Variants in GALNTL6 observed in about 807,000 individuals in gnomAD.
GALNTL6 encodes polypeptide N-acetylgalactosaminyltransferase like 6, also known as polypeptide N-acetylgalactosaminyltransferase-like 6.
Under a neutral mutation model 73.7 loss-of-function variants are expected in GALNTL6, and 46 were observed. The observed-to-expected ratio is 0.62, with a 90% CI of 0.49 to 0.80. The LOEUF (loss-of-function observed/expected upper bound fraction) is 0.80. Ranked by LOEUF, GALNTL6 falls within the 30% of genes least tolerant of loss-of-function variation. GALNTL6 has a pLI of 0.00. For missense variants in GALNTL6, 604 were observed against 755.0 expected (o/e 0.80, Z 2.34); for synonymous variants, 259 against 263.7 (o/e 0.98, Z 0.17).
At chr4:171,898,795 T>G (rs1028411577) in intron 2 of GALNTL6, among the ~76,000 whole-genome samples, 1 of 152,042 alleles carries the variant, frequency 6.6e-6, no homozygotes, top group Non-Finnish European at 1.5e-5. Flanking sequence ...TGTTCATAGT[T>G]ACATGATAAT....
rs571860872 is a variant in GALNTL6, at chr4:172,924,406, T to A, written c.1042-6755T>A. ...TTTAAGTGGGTCACACATTAGAGCTTCTGTCTGGGACGGATGCTTGGCACC... is the reference window on the plus strand; with the variant it reads ...TTTAAGTGGGTCACACATTAGAGCTACTGTCTGGGACGGATGCTTGGCACC... On this transcript the variant is annotated intron_variant, in intron 8 of 12. Transcript: ENST00000506823. Among the ~76,000 whole-genome samples the A allele has an allele frequency of 3.7e-4, 56 of 152,334 alleles. 3 individuals carry two copies. The South Asian group carries it at 0.012, about 32-fold the overall frequency.
chr4:172,110,692 A>G (rs1240533425), intron 2 of GALNTL6, among the ~76,000 whole-genome samples: 1 of 152,164 alleles, frequency 6.6e-6, no homozygotes, highest in Non-Finnish European at 1.5e-5. Context: ...TCTATGCCGA[A>G]TTCCATATGA....
chr4:172,201,118 AAAC>A (rs1437321899), intron 2 of GALNTL6, among the ~76,000 whole-genome samples: 1 of 152,180 alleles, frequency 6.6e-6, no homozygotes, highest in South Asian at 2.1e-4. Context: ...ACTGGAACCA[AAAC>A]AAGTTTTATG....
chr4:172,459,126 C>T lies in GALNTL6; in HGVS notation c.553+110437C>T, dbSNP rs1475497339. Among the ~76,000 whole-genome samples the T allele has an allele frequency of 2.0e-5, 3 of 152,156 alleles. 1 individual carries two copies. ...AATGACAAAAACCACATGATTATCT[C>T]AATAGATGCAGAAAAGGCCTTCGAT... On this transcript the variant is annotated intron_variant, in intron 5 of 12. Transcript: ENST00000506823.
intron 2 of GALNTL6, among the ~76,000 whole-genome samples, chr4:172,043,378 G>T (rs1742139730): frequency 6.6e-6 from 1 of 151,966 alleles, no homozygotes; most frequent in Admixed American, 6.6e-5. Context: ...GCAATTAAAG[G>T]TAGGGAAAAC....
chr4:172,830,985 C>T (rs145728685), intron 7 of GALNTL6, among the ~76,000 whole-genome samples: 82 of 151,950 alleles, frequency 5.4e-4, no homozygotes, highest in Middle Eastern at 3.4e-3. Context: ...CATGGTGAAA[C>T]CCTGTCTCTA....
At chr4:173,009,139 A>G (rs1377082344) in intron 10 of GALNTL6, 39 bp from the exon 11 acceptor site, 1 of 1,342,990 alleles carries the variant, frequency 7.4e-7, no homozygotes, top group Non-Finnish European at 1.1e-6. Flanking sequence ...ATAAAATACG[A>G]CATAGCCCCA....
intron 2 of GALNTL6, among the ~76,000 whole-genome samples, chr4:172,203,492 A>G (rs1328348219): frequency 6.6e-6 from 1 of 152,188 alleles, no homozygotes; most frequent in African/African-American, 2.4e-5. Context: ...TAGGGTATCA[A>G]TCTCATAAAA....
At chr4:172,444,171 G>A (rs759573486) in intron 5 of GALNTL6, among the ~76,000 whole-genome samples, 21 of 152,298 alleles carry the variant, frequency 1.4e-4, no homozygotes, top group South Asian at 6.2e-4. Flanking sequence ...GTGCTTGGGC[G>A]TAATTTGTGA....
chr4:172,653,849 T>C (rs1740612705), intron 5 of GALNTL6, among the ~76,000 whole-genome samples: 1 of 152,258 alleles, frequency 6.6e-6, no homozygotes, highest in South Asian at 2.1e-4. Context: ...GGATCAACAC[T>C]GTGCATTATT....
At chr4:171,893,931 A>T (rs996123003) in intron 2 of GALNTL6, among the ~76,000 whole-genome samples, 14 of 152,058 alleles carry the variant, frequency 9.2e-5, no homozygotes, top group Non-Finnish European at 1.8e-4. Flanking sequence ...ATACCCAAAG[A>T]TCTTCCTTTC....
intron 5 of GALNTL6, among the ~76,000 whole-genome samples, chr4:172,720,837 A>G (rs1735426682): frequency 2.0e-5 from 3 of 152,150 alleles, no homozygotes; most frequent in Non-Finnish European, 4.4e-5. Context: ...TTTCTTATCT[A>G]AAGAAATTAT....
At chr4:172,894,291 T>C (rs1001620088) in intron 8 of GALNTL6, among the ~76,000 whole-genome samples, 2 of 152,206 alleles carry the variant, frequency 1.3e-5, no homozygotes, top group Admixed American at 6.5e-5. Flanking sequence ...GGTTCTTTAT[T>C]TGAAGTATTT....
intron 5 of GALNTL6, among the ~76,000 whole-genome samples, chr4:172,696,647 T>C (rs1330302349): frequency 6.6e-6 from 1 of 152,196 alleles, no homozygotes; most frequent in Non-Finnish European, 1.5e-5. Context: ...ATACACTCTC[T>C]TGCCTGCTGC....
At chr4:172,928,718 T>C (rs942481021) in intron 8 of GALNTL6, among the ~76,000 whole-genome samples, 2 of 152,228 alleles carry the variant, frequency 1.3e-5, no homozygotes, top group African/African-American at 4.8e-5. Context: ...ATTGGGTTCT[T>C]TGAAAAGGCT....
chr4:172,913,883 TAC>T (rs2111270557), intron 8 of GALNTL6, among the ~76,000 whole-genome samples: 1 of 152,002 alleles, frequency 6.6e-6, no homozygotes, highest in South Asian at 2.1e-4. Context: ...ATTCAGGAAA[TAC>T]AGAGAATGCC....
intron 2 of GALNTL6, among the ~76,000 whole-genome samples, chr4:172,039,309 A>G (rs1202416499): frequency 6.6e-6 from 1 of 152,204 alleles, no homozygotes; most frequent in East Asian, 1.9e-4. Context: ...ACTTCTTGAT[A>G]TTTGTTCTTC....
intron 2 of GALNTL6, among the ~76,000 whole-genome samples, chr4:172,076,269 C>G (rs74821644): frequency 0.018 from 2,747 of 152,204 alleles, 74 homozygotes; most frequent in African/African-American, 0.06. Context: ...TATTCAGCAT[C>G]TCTTTTCACA....
chr4:172,069,585 A>AACACATATATGT (rs1553989818), intron 2 of GALNTL6, among the ~76,000 whole-genome samples: 1 of 23,416 alleles, frequency 4.3e-5, no homozygotes, highest in Non-Finnish European at 1.3e-4. Context: ...GTTATATATT[A>AACACATATATGT]TATATATAAC....
Sources: allele counts gnomAD v4.1 joint callset (sites outside exome capture counted in the v4.1 genomes callset), GRCh38; gene constraint gnomAD v4.1.1; transcripts MANE v1.5; gene names NCBI Gene and HGNC (gene_info 2026-07-23, HGNC 2026-07-21).